The following HEXB variants were observed in gnomAD, a reference collection of about 807,000 sequenced individuals.
The protein encoded by HEXB is beta-hexosaminidase subunit beta.
Under a neutral mutation model 71.2 loss-of-function variants are expected in HEXB, and 51 were observed. The ratio of observed to expected loss-of-function variants is 0.72; its 90% CI spans 0.57 to 0.90. HEXB has a LOEUF of 0.90. Among genes scored for constraint, HEXB ranks in the 40% least tolerant of loss-of-function variants. The pLI is 0.00. For synonymous variants in HEXB, 266 were observed against 249.3 expected, an observed-to-expected ratio of 1.07 and a Z score of -0.63; for missense variants, 617 against 677.0, an observed-to-expected ratio of 0.91 and a Z score of 0.98.
At chr5:74,649,156 A>G (rs958996445) in intron 1 of HEXB, among the ~76,000 whole-genome samples, 1 of 152,202 alleles carries the variant, frequency 6.6e-6, no homozygotes, top group Admixed American at 6.5e-5. Flanking sequence ...TGCCAAATGT[A>G]ATCTGGGGTC....
At chr5:74,674,126 G>A (rs1412066136) in intron 1 of HEXB, among the ~76,000 whole-genome samples, 1 of 152,212 alleles carries the variant, frequency 6.6e-6, no homozygotes, top group Non-Finnish European at 1.5e-5. Flanking sequence ...ATTCATGTGA[G>A]TCTGGCACAT....
chr5:74,684,674 CTTTT>C (rs1191674612), upstream of HEXB, among the ~76,000 whole-genome samples: 27 of 133,886 alleles, frequency 2.0e-4, no homozygotes, highest in South Asian at 5.1e-4. Context: ...TTTTTCTTTT[CTTTT>C]TTTTTTTTTT....
intron 1 of HEXB, among the ~76,000 whole-genome samples, chr5:74,649,489 G>A (rs1380697723): frequency 2.6e-5 from 4 of 152,132 alleles, no homozygotes; most frequent in East Asian, 1.9e-4. Flanking sequence ...GTCTCACTTC[G>A]GTGAAGCCAA....
chr5:74,669,043 C>T (rs1420362273), intron 1 of HEXB, among the ~76,000 whole-genome samples: 1 of 152,110 alleles, frequency 6.6e-6, no homozygotes, highest in East Asian at 1.9e-4. Flanking sequence ...CTCACCACAA[C>T]CTCTGCCTCC....
intron 3 of HEXB, among the ~76,000 whole-genome samples, chr5:74,694,635 TAAAA>T (rs1341270877): frequency 6.6e-6 from 1 of 152,018 alleles, no homozygotes; most frequent in Non-Finnish European, 1.5e-5. Context: ...AAAGGGAATT[TAAAA>T]AAACATGAAC....
chr5:74,684,267 C>T (rs1748797407), upstream of HEXB, among the ~76,000 whole-genome samples: 1 of 152,176 alleles, frequency 6.6e-6, no homozygotes, highest in African/African-American at 2.4e-5. Flanking sequence ...ATCTCCAGTC[C>T]GTGTTCGTCA....
intron 1 of HEXB, among the ~76,000 whole-genome samples, chr5:74,643,832 G>A (rs758256374): frequency 9.9e-5 from 15 of 152,154 alleles, no homozygotes; most frequent in South Asian, 2.1e-4. Flanking sequence ...TCCTGCCTCC[G>A]GTGGTCTCCT....
Position 74,663,203 on chromosome 5 carries a change from G to A in HEXB, c.-377+22645G>A, listed in dbSNP as rs563354317. Among the ~76,000 whole-genome samples the A allele has an allele frequency of 1.1e-4, 16 of 146,778 alleles. No homozygotes were observed. The Admixed American group carries it at 1.1e-3, about 10-fold the overall frequency. ...TTTTCCTTTTTTTTGGGGGGGTGGA[G>A]TGCGGTGGCGGAGTTTCGCTCTTGT... On this transcript the variant is annotated intron_variant, in intron 1 of 13. Transcript: ENST00000511181.
At chr5:74,708,722 A>G (rs983050495) in intron 6 of HEXB, among the ~76,000 whole-genome samples, 37 of 152,016 alleles carry the variant, frequency 2.4e-4, no homozygotes, top group African/African-American at 8.9e-4. Context: ...TAAAGGGATC[A>G]ATTCAACAAG....
chr5:74,692,516 GA>G (rs1749026476), intron 2 of HEXB, among the ~76,000 whole-genome samples: 1 of 152,134 alleles, frequency 6.6e-6, no homozygotes, highest in African/African-American at 2.4e-5. Context: ...AGATGTAGAG[GA>G]AACATAATTA....
intron 2 of HEXB, 114 bp from the exon 3 acceptor site, chr5:74,693,525 T>C (rs1302008759): frequency 1.6e-5 from 13 of 807,702 alleles, no homozygotes; most frequent in Non-Finnish European, 2.6e-5. Flanking sequence ...AAATAGGTCA[T>C]GTGCTTGGGA....
intron 1 of HEXB, among the ~76,000 whole-genome samples, chr5:74,662,349 T>C (rs544076843): frequency 6.6e-6 from 1 of 152,382 alleles, no homozygotes; most frequent in Non-Finnish European, 1.5e-5. Flanking sequence ...ATTGAAATGC[T>C]TCTTTGCCCA....
intron 2 of HEXB, 131 bp downstream of exon 2, chr5:74,689,604 T>G (rs1436316657): frequency 1.2e-6 from 1 of 814,316 alleles, no homozygotes; most frequent in Non-Finnish European, 2.2e-6. Context: ...ATTTTAAAAA[T>G]AACCTTTAAA....
At chr5:74,695,318 C>G (rs1749088856) in intron 3 of HEXB, among the ~76,000 whole-genome samples, 1 of 149,886 alleles carries the variant, frequency 6.7e-6, no homozygotes, top group African/African-American at 2.4e-5. Context: ...ATTCTCCTGC[C>G]TCAGCCTCCC....
intron 1 of HEXB, among the ~76,000 whole-genome samples, chr5:74,669,214 C>T (rs1173741536): frequency 6.6e-6 from 1 of 152,126 alleles, no homozygotes; most frequent in Non-Finnish European, 1.5e-5. Flanking sequence ...TATGCCATCA[C>T]TAGCTGTGTT....
chr5:74,646,555 A>G (rs1433865872), intron 1 of HEXB, among the ~76,000 whole-genome samples: 1 of 151,640 alleles, frequency 6.6e-6, no homozygotes, highest in Non-Finnish European at 1.5e-5. Flanking sequence ...TTGACAATGA[A>G]CAAACAATTC....
At chr5:74,706,688 T>C (rs558689304) in intron 6 of HEXB, among the ~76,000 whole-genome samples, 8 of 152,290 alleles carry the variant, frequency 5.3e-5, no homozygotes, top group East Asian at 3.9e-4. Flanking sequence ...GGAGTCTCGC[T>C]GATTGCTAGC....
rs140607282 is a variant in HEXB, at chr5:74,715,526, G to C, written c.918G>C (p.Leu306=). ...TTCTTCTAGGTCAGAAAGACCTCCT[G>C]ACTCCATGTTACAGTAGACAAAACA... is the stretch of plus-strand genomic sequence containing the variant. The part of the protein sequence containing the change: ...LSWGKGQKDL[L]TPCYSRQNKL... Residue 306 remains leucine (L), a synonymous_variant, in exon 8 of 14, where the codon CTG becomes CTC. Coordinates refer to ENST00000261416, the MANE Select transcript of HEXB (RefSeq NM_000521.4). 5.5e-5 allele frequency: 89 copies of C among 1,610,896 alleles called. No homozygotes were observed. In the African/African-American group the frequency reaches 9.3e-4, roughly 17 times the overall value.
intron 6 of HEXB, among the ~76,000 whole-genome samples, chr5:74,710,069 C>T (rs1000670963): frequency 6.6e-6 from 1 of 152,118 alleles, no homozygotes; most frequent in Non-Finnish European, 1.5e-5. Context: ...TCCAGCAGCA[C>T]ATCAAAAAGC....
Sources: allele counts gnomAD v4.1 joint callset (sites outside exome capture counted in the v4.1 genomes callset), GRCh38; gene constraint gnomAD v4.1.1; transcripts MANE v1.5; gene names NCBI Gene and HGNC (gene_info 2026-07-23, HGNC 2026-07-21).